The following RGS6 variants were observed in gnomAD, a reference collection of about 807,000 sequenced individuals.
RGS6 encodes regulator of G-protein signaling 6.
RGS6 carries 30 observed loss-of-function variants against 78.5 expected under a neutral mutation model. The observed-to-expected ratio is 0.38, with a 90% CI of 0.29 to 0.52. RGS6 has a LOEUF of 0.52. RGS6 is among the 20% of genes least tolerant of loss of function. The probability of loss-of-function intolerance (pLI) is 0.85; values close to 1 mark genes in which losing one functional copy is unlikely to be tolerated. For synonymous variants in RGS6, 206 were observed against 206.0 expected (o/e 1.00, Z 0.00); for missense variants, 495 against 609.7 (o/e 0.81, Z 1.98).
intron 1 of RGS6, among the ~76,000 whole-genome samples, chr14:71,956,084 G>A (rs773332057): frequency 6.6e-6 from 1 of 152,164 alleles, no homozygotes; most frequent in Non-Finnish European, 1.5e-5. Context: ...GGAGAAACAA[G>A]CTTGGTAGGA....
Position 72,475,830 on chromosome 14 carries a change from G to GCACACACACACACACACACGCGCACA in RGS6, c.694-893_694-892insGCGCACACACACACACACACACACAC, listed in dbSNP as rs1555424336. ...ATGTATGCATTAAAAAAAAATACAC[G>GCACACACACACACACACACGCGCACA]CACACACACACACACACACACACTA... is the stretch of plus-strand genomic sequence containing the variant. On this transcript the variant is annotated intron_variant, in intron 10 of 17. Coordinates refer to ENST00000553525, the MANE Select transcript of RGS6 (RefSeq NM_001204424.2). 1.4e-4 allele frequency among the ~76,000 whole-genome samples: 20 copies of GCACACACACACACACACACGCGCACA among 145,700 alleles called. No homozygotes were observed. In the East Asian group the frequency reaches 3.7e-3, roughly 27 times the overall value.
intron 2 of RGS6, among the ~76,000 whole-genome samples, chr14:72,236,172 C>T (rs2050960029): frequency 6.6e-6 from 1 of 152,302 alleles, no homozygotes; most frequent in Non-Finnish European, 1.5e-5. Context: ...ATCATTTTCA[C>T]ACAAACAGAA....
At chr14:72,609,318 G>A in the RGS6 span, among the ~76,000 whole-genome samples, 1 of 152,184 alleles carries the variant, frequency 6.6e-6, no homozygotes, top group Non-Finnish European at 1.5e-5. Context: ...CAAGAGAGGT[G>A]GGGTGGTCCT....
At chr14:71,957,593 G>A (rs533566611) in intron 1 of RGS6, among the ~76,000 whole-genome samples, 315 of 152,214 alleles carry the variant, frequency 2.1e-3, no homozygotes, top group South Asian at 4.2e-3. Flanking sequence ...TTCCAGAGCA[G>A]CGTGGAGTTC....
At chr14:72,114,919 G>C (rs559763007) in intron 2 of RGS6, among the ~76,000 whole-genome samples, 2 of 152,286 alleles carry the variant, frequency 1.3e-5, no homozygotes, top group African/African-American at 4.8e-5. Flanking sequence ...AAGTAATTAT[G>C]ATAAAGAAAA....
intron 3 of RGS6, among the ~76,000 whole-genome samples, chr14:72,358,881 C>A (rs757971549): frequency 6.6e-6 from 1 of 152,110 alleles, no homozygotes; most frequent in Non-Finnish European, 1.5e-5. Flanking sequence ...ATGTCCCCAC[C>A]CAAATCTCAT....
chr14:72,033,819 T>C (rs939091100), intron 2 of RGS6, among the ~76,000 whole-genome samples: 7 of 152,196 alleles, frequency 4.6e-5, no homozygotes. Context: ...ACTGCTGTCC[T>C]GTTTTCCACA....
intron 2 of RGS6, among the ~76,000 whole-genome samples, chr14:72,101,004 C>CA (rs1311427596): frequency 1.3e-5 from 2 of 152,144 alleles, no homozygotes; most frequent in Non-Finnish European, 2.9e-5. Flanking sequence ...ACCAAAAATA[C>CA]AAACATTAGC....
intron 2 of RGS6, among the ~76,000 whole-genome samples, chr14:72,316,043 C>T (rs1023216002): frequency 6.6e-6 from 1 of 152,190 alleles, no homozygotes; most frequent in Admixed American, 6.5e-5. Flanking sequence ...TTTCTCTCTC[C>T]CCAAGTAGGT....
At chr14:72,043,629 C>T (rs2092610932) in intron 2 of RGS6, among the ~76,000 whole-genome samples, 1 of 152,134 alleles carries the variant, frequency 6.6e-6, no homozygotes, top group African/African-American at 2.4e-5. Flanking sequence ...AGATGTTTCC[C>T]TCCTTTTGGC....
At chr14:72,490,003 C>G (rs896258141) in intron 12 of RGS6, among the ~76,000 whole-genome samples, 3 of 152,156 alleles carry the variant, frequency 2.0e-5, no homozygotes, top group Non-Finnish European at 4.4e-5. Flanking sequence ...GTAGCCTGGT[C>G]CTTCCTGCCA....
chr14:72,597,220 C>A, the RGS6 span, among the ~76,000 whole-genome samples: 1 of 149,592 alleles, frequency 6.7e-6, no homozygotes, highest in Admixed American at 6.7e-5. Context: ...GCCTGAGTGA[C>A]AAACTGAGAC....
At chr14:72,130,480 A>C (rs768158711) in intron 2 of RGS6, among the ~76,000 whole-genome samples, 12 of 152,174 alleles carry the variant, frequency 7.9e-5, no homozygotes, top group Admixed American at 5.9e-4. Context: ...GAAACTATCT[A>C]AGGGCACACC....
intron 2 of RGS6, among the ~76,000 whole-genome samples, chr14:72,068,937 T>C (rs2094295397): frequency 6.6e-6 from 1 of 152,128 alleles, no homozygotes; most frequent in South Asian, 2.1e-4. Flanking sequence ...TTCTCTTTTA[T>C]ACTTTCTGTT....
rs534325240 is a variant in RGS6, at chr14:71,972,775, G to A, written c.84+7900G>A. Among the ~76,000 whole-genome samples the A allele has an allele frequency of 2.6e-5, 4 of 152,314 alleles. No homozygotes were observed. In the South Asian group the frequency reaches 8.3e-4, roughly 32 times the overall value. On this transcript the variant is annotated intron_variant, in intron 2 of 17. Transcript: ENST00000553525. ...TCAGTGGCAGTGGTAATACAGATGG[G>A]AGGATGTGTTTGAGAGATGTTTAGG...
chr14:72,083,589 C>T (rs1252594941), intron 2 of RGS6, among the ~76,000 whole-genome samples: 9 of 152,120 alleles, frequency 5.9e-5, no homozygotes, highest in South Asian at 2.1e-4. Context: ...TGACGTCCCT[C>T]GGATGGAGCT....
At chr14:72,615,233 C>T in the RGS6 span, among the ~76,000 whole-genome samples, 3 of 152,086 alleles carry the variant, frequency 2.0e-5, no homozygotes, top group African/African-American at 4.8e-5. Flanking sequence ...GGGCCACGGG[C>T]GGCGCAACAC....
chr14:72,547,302 G>A (rs1366082347), intron 17 of RGS6: 7 of 1,535,526 alleles, frequency 4.6e-6, no homozygotes, highest in Non-Finnish European at 6.1e-6. Context: ...TCTGCCTGTG[G>A]TCCAGACTGG....
intron 2 of RGS6, among the ~76,000 whole-genome samples, chr14:72,098,977 G>A (rs911403331): frequency 1.3e-5 from 2 of 152,190 alleles, no homozygotes; most frequent in Non-Finnish European, 2.9e-5. Context: ...AGGGGCATCA[G>A]TCTCTGTCCA....
Sources: allele counts gnomAD v4.1 joint callset (sites outside exome capture counted in the v4.1 genomes callset), GRCh38; gene constraint gnomAD v4.1.1; transcripts MANE v1.5; gene names NCBI Gene and HGNC (gene_info 2026-07-23, HGNC 2026-07-21).